FGF1: variants seen among roughly 807,000 people sequenced by gnomAD.
FGF1 encodes the protein beta-endothelial cell growth factor.
A neutral mutation model predicts 13.4 loss-of-function variants in FGF1; 9 were observed. That is an observed-to-expected ratio of 0.67 (90% CI 0.40 to 1.17). The LOEUF (loss-of-function observed/expected upper bound fraction) is 1.17. Among genes scored for constraint, FGF1 ranks in the 50% most tolerant of loss-of-function variants. The probability of loss-of-function intolerance (pLI) is 0.01; values close to 1 mark genes in which losing one functional copy is unlikely to be tolerated. For missense variants in FGF1, 156 were observed against 192.7 expected (o/e 0.81, Z 1.13); for synonymous variants, 93 against 79.0 (o/e 1.18, Z -0.94).
chr5:142,648,305 C>T (rs1766555870), intron 1 of FGF1, among the ~76,000 whole-genome samples: 2 of 152,086 alleles, frequency 1.3e-5, no homozygotes, highest in Non-Finnish European at 2.9e-5. Context: ...GGCACATATA[C>T]ACCATGGAAT....
chr5:142,662,016 A>G (rs1769342480), intron 1 of FGF1, among the ~76,000 whole-genome samples: 1 of 152,060 alleles, frequency 6.6e-6, no homozygotes, highest in East Asian at 1.9e-4. Context: ...AACAAAAAAC[A>G]AAAAACACAC....
chr5:142,697,073 T>C (rs1328266534), intron 2 of FGF1, among the ~76,000 whole-genome samples: 1 of 152,336 alleles, frequency 6.6e-6, no homozygotes, highest in East Asian at 1.9e-4. Flanking sequence ...TTTATTCCTC[T>C]TGTTTTCAAC....
intron 1 of FGF1, among the ~76,000 whole-genome samples, chr5:142,614,363 C>T (rs752101225): frequency 1.3e-5 from 2 of 152,150 alleles, no homozygotes; most frequent in Non-Finnish European, 2.9e-5. Flanking sequence ...GAGGGGTTTC[C>T]AGGGCATTTT....
At chr5:142,658,148 A>G (rs1768511700) in intron 1 of FGF1, among the ~76,000 whole-genome samples, 1 of 152,180 alleles carries the variant, frequency 6.6e-6, no homozygotes, top group African/African-American at 2.4e-5. Context: ...AAATAGCCCA[A>G]GCCACTTAAT....
At chr5:142,643,232 T>C (rs890330560) in intron 1 of FGF1, among the ~76,000 whole-genome samples, 1 of 152,052 alleles carries the variant, frequency 6.6e-6, no homozygotes, top group African/African-American at 2.4e-5. Context: ...TTATCGAAGA[T>C]ATAAAGAACT....
intron 2 of FGF1, among the ~76,000 whole-genome samples, chr5:142,692,250 T>C (rs1752343230): frequency 1.3e-5 from 2 of 152,154 alleles, no homozygotes; most frequent in Non-Finnish European, 2.9e-5. Flanking sequence ...GGTGAGAGGA[T>C]TGCTTGAGCC....
chr5:142,647,452 C>T (rs781196797), intron 1 of FGF1, among the ~76,000 whole-genome samples: 3 of 152,170 alleles, frequency 2.0e-5, no homozygotes, highest in African/African-American at 7.2e-5. Context: ...GTCAGTACTG[C>T]GTGCTCCCAT....
intron 1 of FGF1, among the ~76,000 whole-genome samples, chr5:142,665,260 A>G (rs567455442): frequency 6.6e-6 from 1 of 152,150 alleles, no homozygotes; most frequent in South Asian, 2.1e-4. Flanking sequence ...CAAGTGCTCT[A>G]TCTCACCTCA....
At chr5:142,657,417 C>T (rs185805826) in intron 1 of FGF1, among the ~76,000 whole-genome samples, 3 of 152,274 alleles carry the variant, frequency 2.0e-5, no homozygotes, top group Middle Eastern at 3.4e-3. Flanking sequence ...AGCACCCCCC[C>T]AACACCTCTC....
intron 1 of FGF1, among the ~76,000 whole-genome samples, chr5:142,645,656 A>G (rs1390229553): frequency 6.6e-6 from 1 of 152,246 alleles, no homozygotes; most frequent in East Asian, 1.9e-4. Context: ...TGTAATCAAC[A>G]TTCAGTAGGG....
At chr5:142,633,147 T>C (rs929818741) in intron 1 of FGF1, among the ~76,000 whole-genome samples, 4 of 152,124 alleles carry the variant, frequency 2.6e-5, no homozygotes, top group Non-Finnish European at 4.4e-5. Context: ...TCTCAATCTC[T>C]TGACCTCGTG....
Position 142,592,347 on chromosome 5 carries a change from T to C in FGF1, c.*2943A>G, listed in dbSNP as rs1482738792. The C allele has an allele frequency of 1.3e-5, 5 of 398,618 alleles. No individual in the cohort carries two copies. Among genetic ancestry groups the C allele is most frequent in the Non-Finnish European group, 1.3e-5 (3 of 226,038 alleles). The allele number at this position is 398,618 out of a possible 1,614,324, so 24.7% of individuals were successfully genotyped here. ...GAGGACTTGGCGCCTTGGGTTCCTT[T>C]GCCTCTGACACAAAGCAAGGACCTT... On this transcript the variant is annotated 3_prime_UTR_variant, in exon 4 of 4. Transcript: ENST00000337706.
intron 1 of FGF1, among the ~76,000 whole-genome samples, chr5:142,662,272 TATCTCAAGCC>T (rs1769396731): frequency 6.6e-6 from 1 of 152,240 alleles, no homozygotes. Flanking sequence ...TTGTGAATTA[TATCTCAAGCC>T]GTTAAAAATG....
At chr5:142,694,769 TA>T (rs1752842985) in intron 2 of FGF1, among the ~76,000 whole-genome samples, 1 of 152,090 alleles carries the variant, frequency 6.6e-6, no homozygotes, top group Non-Finnish European at 1.5e-5. Flanking sequence ...CCCGTTTAAT[TA>T]AAAAGCACCC....
intron 1 of FGF1, among the ~76,000 whole-genome samples, chr5:142,656,257 C>A (rs1458880940): frequency 6.6e-6 from 1 of 150,386 alleles, no homozygotes; most frequent in Non-Finnish European, 1.5e-5. Context: ...CAGACTGTTA[C>A]CTCTCTGAGA....
At chr5:142,632,226 T>C (rs909700544) in intron 1 of FGF1, among the ~76,000 whole-genome samples, 1 of 152,246 alleles carries the variant, frequency 6.6e-6, no homozygotes, top group African/African-American at 2.4e-5. Context: ...TCTGCTGGGC[T>C]CTTTTGGTTA....
At chr5:142,630,714 G>A (rs1763240576) in intron 1 of FGF1, among the ~76,000 whole-genome samples, 1 of 152,102 alleles carries the variant, frequency 6.6e-6, no homozygotes, top group African/African-American at 2.4e-5. Context: ...TCCCTCTGCA[G>A]CAGTGCCCTT....
chr5:142,656,291 A>C (rs1768143866), intron 1 of FGF1, among the ~76,000 whole-genome samples: 1 of 151,794 alleles, frequency 6.6e-6, no homozygotes, highest in Admixed American at 6.6e-5. Flanking sequence ...GGTCCATCTT[A>C]TCAGGTTAAT....
chr5:142,680,458 A>G (rs1773497867), intron 1 of FGF1, among the ~76,000 whole-genome samples: 1 of 152,244 alleles, frequency 6.6e-6, no homozygotes, highest in Non-Finnish European at 1.5e-5. Context: ...ATGGCCTAGC[A>G]GTTAGTTACA....
Sources: allele counts gnomAD v4.1 joint callset (sites outside exome capture counted in the v4.1 genomes callset), GRCh38; gene constraint gnomAD v4.1.1; transcripts MANE v1.5; gene names NCBI Gene and HGNC (gene_info 2026-07-23, HGNC 2026-07-21).